CES5A: variants seen among roughly 807,000 people sequenced by gnomAD.
The protein encoded by CES5A is carboxylesterase 5A.
Under a neutral mutation model 62.9 loss-of-function variants are expected in CES5A, and 67 were observed. That is an observed-to-expected ratio of 1.07 (90% CI 0.88 to 1.31). The LOEUF is 1.31. Among genes scored for constraint, CES5A ranks in the 50% most tolerant of loss-of-function variants. The pLI is 0.00. For missense variants in CES5A, 748 were observed against 708.5 expected (o/e 1.06, Z -0.63); for synonymous variants, 296 against 280.8 (o/e 1.05, Z -0.54).
chr16:55,949,342 T>C (rs1164653404), intron 2 of CES5A, among the ~76,000 whole-genome samples: 1 of 152,232 alleles, frequency 6.6e-6, no homozygotes, highest in African/African-American at 2.4e-5. Context: ...GGCAGAAGGC[T>C]GAGAAAGTGG....
Position 55,861,271 on chromosome 16 carries a change from T to A in CES5A, c.915+141A>T, listed in dbSNP as rs551931426. On this transcript the variant is annotated intron_variant, in intron 7 of 12. Transcript: ENST00000290567. ...TACAAGGGTTCTATATCCCTACTTA[T>A]TTTTTTACAGCTGTTACCAAGTACC... 1,942 of 618,488 alleles carry A rather than the reference T, an allele frequency of 3.1e-3. 5 individuals carry two copies. Among genetic ancestry groups the A allele is most frequent in the Non-Finnish European group, 4.7e-3 (1,626 of 347,984 alleles). 38.3% of individuals were successfully genotyped at this position (618,488 alleles called of 1,614,324 possible).
At chr16:55,930,527 G>A (rs2034299705) in intron 2 of CES5A, among the ~76,000 whole-genome samples, 1 of 152,208 alleles carries the variant, frequency 6.6e-6, no homozygotes, top group South Asian at 2.1e-4. Context: ...CCTTAGCCAT[G>A]TGATGCCTTG....
At chr16:55,851,085 T>C (rs781706716) in intron 10 of CES5A, among the ~76,000 whole-genome samples, 8 of 152,178 alleles carry the variant, frequency 5.3e-5, no homozygotes, top group Non-Finnish European at 8.8e-5. Flanking sequence ...AATTTGGCAG[T>C]GGATTCTTAT....
upstream of CES5A, among the ~76,000 whole-genome samples, chr16:55,875,923 C>T (rs1455653529): frequency 2.0e-5 from 3 of 152,242 alleles, no homozygotes; most frequent in African/African-American, 7.2e-5. Flanking sequence ...GCACTTCACA[C>T]AAACTAGCTT....
intron 1 of CES5A, among the ~76,000 whole-genome samples, chr16:55,881,232 T>A (rs1277996115): frequency 5.3e-5 from 8 of 152,134 alleles, no homozygotes; most frequent in Admixed American, 2.0e-4. Context: ...GATCACCCAA[T>A]CCACTCATTC....
upstream of CES5A, among the ~76,000 whole-genome samples, chr16:55,880,147 C>T (rs558048534): frequency 6.1e-4 from 93 of 152,320 alleles, no homozygotes; most frequent in Non-Finnish European, 7.3e-4. Context: ...CAGCCCACCT[C>T]GGATTTAAGC....
At chr16:55,944,678 C>T (rs1367380270) in intron 2 of CES5A, among the ~76,000 whole-genome samples, 2 of 152,178 alleles carry the variant, frequency 1.3e-5, no homozygotes, top group African/African-American at 4.8e-5. Context: ...ACTGTTCGGC[C>T]TGAAAAATGT....
upstream of CES5A, among the ~76,000 whole-genome samples, chr16:55,927,881 A>G (rs2087041059): frequency 6.6e-6 from 1 of 152,242 alleles, no homozygotes. Context: ...TTAAGTTCCC[A>G]TCAACTGACA....
In CES5A at chr16:55,846,632, T is replaced by G; in HGVS notation, c.1547A>C (p.Glu516Ala). ...LSLWPAYNLT[E>A]QYLQLDLNMS... Reference sequence around the variant, plus strand: ...GTTCAAGTCCAGCTGGAGGTACTGCTCAGTCAGATTATAAGCTGGCCACAG... The same window carrying G: ...GTTCAAGTCCAGCTGGAGGTACTGCGCAGTCAGATTATAAGCTGGCCACAG... The change falls in exon 13 of 13, where the codon GAG becomes GCG. Residue 516 changes from glutamate (E) to alanine (A), a missense_variant. Glu to Ala is a moderately radical substitution (Grantham distance 107). Coordinates refer to ENST00000290567, the MANE Select transcript of CES5A (RefSeq NM_001143685.2). The G allele has an allele frequency of 1.2e-6, 2 of 1,614,128 alleles. No individual in the cohort carries two copies. The highest frequency in any genetic ancestry group is 1.7e-6 in the Non-Finnish European group (2 of 1,180,022).
chr16:55,916,994 C>T (rs2034153865), intron 1 of CES5A, among the ~76,000 whole-genome samples: 1 of 152,202 alleles, frequency 6.6e-6, no homozygotes, highest in African/African-American at 2.4e-5. Context: ...ACACCACACC[C>T]TTCTGCTCTT....
At chr16:55,847,314 C>T (rs1307773195) in intron 11 of CES5A, among the ~76,000 whole-genome samples, 1 of 150,004 alleles carries the variant, frequency 6.7e-6, no homozygotes, top group Non-Finnish European at 1.5e-5. Flanking sequence ...TCTCTCTCTC[C>T]CTTCTCTCTT....
chr16:55,879,712 T>A (rs1440991563), upstream of CES5A, among the ~76,000 whole-genome samples: 1 of 152,158 alleles, frequency 6.6e-6, no homozygotes, highest in East Asian at 1.9e-4. Context: ...CACTTCAGTC[T>A]CCCAAGTAGC....
At chr16:55,879,853 A>G (rs1457957917), upstream of CES5A, among the ~76,000 whole-genome samples, 2 of 152,148 alleles carry the variant, frequency 1.3e-5, no homozygotes, top group Admixed American at 1.3e-4. Flanking sequence ...TCTGCCTCCC[A>G]AAGCTCTGGG....
upstream of CES5A, among the ~76,000 whole-genome samples, chr16:55,928,318 C>A (rs774993715): frequency 6.6e-6 from 1 of 152,096 alleles, no homozygotes; most frequent in Admixed American, 6.5e-5. Flanking sequence ...AACTCAGGAA[C>A]GGAAAGCCAA....
intron 1 of CES5A, among the ~76,000 whole-genome samples, chr16:55,913,197 AG>A (rs1174166996): frequency 6.6e-6 from 1 of 152,058 alleles, no homozygotes; most frequent in East Asian, 1.9e-4. Context: ...ATGGAATCAT[AG>A]GGGGGTCGAA....
intron 2 of CES5A, among the ~76,000 whole-genome samples, chr16:55,930,488 A>G (rs550581008): frequency 6.6e-6 from 1 of 152,290 alleles, no homozygotes; most frequent in East Asian, 1.9e-4. Context: ...GTCTATTATA[A>G]AAGCCAGTTT....
chr16:55,898,419 A>G (rs774660291), intron 1 of CES5A, among the ~76,000 whole-genome samples: 2 of 152,186 alleles, frequency 1.3e-5, no homozygotes, highest in African/African-American at 2.4e-5. Flanking sequence ...ATTTAAAATC[A>G]GGAAAAAAAG....
intron 1 of CES5A, among the ~76,000 whole-genome samples, chr16:55,882,101 C>A (rs151285702): frequency 6.6e-6 from 1 of 152,096 alleles, no homozygotes; most frequent in Non-Finnish European, 1.5e-5. Context: ...AATGAAAAAT[C>A]CCTTACTAGA....
chr16:55,874,784 G>A (rs892074359), intron 1 of CES5A, among the ~76,000 whole-genome samples: 7 of 152,232 alleles, frequency 4.6e-5, no homozygotes, highest in East Asian at 3.9e-4. Flanking sequence ...AGCAAAACCC[G>A]GGTGTCTTAG....
Sources: allele counts gnomAD v4.1 joint callset (sites outside exome capture counted in the v4.1 genomes callset), GRCh38; gene constraint gnomAD v4.1.1; transcripts MANE v1.5; gene names NCBI Gene and HGNC (gene_info 2026-07-23, HGNC 2026-07-21).